The following ZNF804A variants were observed in gnomAD, a reference collection of about 807,000 sequenced individuals.
ZNF804A encodes the protein zinc finger protein 804A.
In ZNF804A, 2 loss-of-function variants were observed where a neutral mutation model predicts 16.5. The ratio of observed to expected loss-of-function variants is 0.12; its 90% confidence interval spans 0.05 to 0.38. ZNF804A has a LOEUF of 0.38. Ranked by LOEUF, ZNF804A falls within the 10% of genes least tolerant of loss-of-function variation. The pLI is 0.99. For synonymous variants in ZNF804A, 534 were observed against 489.6 expected (o/e 1.09, Z -1.20); for missense variants, 1,473 against 1,390.7 (o/e 1.06, Z -0.94).
chr2:184,655,384 C>G (rs1692060074), intron 1 of ZNF804A, among the ~76,000 whole-genome samples: 1 of 152,066 alleles, frequency 6.6e-6, no homozygotes, highest in Non-Finnish European at 1.5e-5. Flanking sequence ...TGGATATCCA[C>G]TAAAAAGGGA....
intron 1 of ZNF804A, among the ~76,000 whole-genome samples, chr2:184,858,624 GT>G (rs1157320548): frequency 1.3e-5 from 2 of 151,758 alleles, no homozygotes; most frequent in African/African-American, 4.8e-5. Flanking sequence ...TTAATAGTGT[GT>G]TTTTGTTAAC....
In ZNF804A at chr2:184,884,526, A is replaced by T. The variant is rs139008576; in HGVS notation, c.255+18014A>T. 8.0e-3 allele frequency among the ~76,000 whole-genome samples: 1,223 copies of T among 152,226 alleles called. 12 individuals are homozygous for T. Among genetic ancestry groups the T allele is most frequent in the Middle Eastern group, 0.061 (18 of 294 alleles). ...TACTTAAAAAAAAAATCAAAGCTGG[A>T]GACATCACATTACCCCTTTTTAAAC... On this transcript the variant is annotated intron_variant, in intron 2 of 3. Coordinates refer to ENST00000302277, the MANE Select transcript of ZNF804A (RefSeq NM_194250.2).
chr2:184,845,384 G>A lies in ZNF804A; in HGVS notation c.112-20985G>A, dbSNP rs187228248. On this transcript the variant is annotated intron_variant, in intron 1 of 3. Transcript: ENST00000302277. ...GTCTCTATCTCTCAGTGCTATGACT[G>A]TAATAATTGTTTCTTCTGTGATATA... is the stretch of plus-strand genomic sequence containing the variant. Among the ~76,000 whole-genome samples the A allele has an allele frequency of 2.7e-3, 410 of 152,184 alleles. 3 individuals are homozygous for A. Among genetic ancestry groups the A allele is most frequent in the African/African-American group, 9.3e-3 (388 of 41,564 alleles).
At chr2:184,784,946 C>T (rs967291262) in intron 1 of ZNF804A, among the ~76,000 whole-genome samples, 1 of 151,974 alleles carries the variant, frequency 6.6e-6, no homozygotes, top group Non-Finnish European at 1.5e-5. Context: ...AATCAGGTCG[C>T]TTGAGAGACA....
At chr2:184,842,879 G>A (rs1234115241) in intron 1 of ZNF804A, among the ~76,000 whole-genome samples, 5 of 152,112 alleles carry the variant, frequency 3.3e-5, no homozygotes, top group Admixed American at 6.6e-5. Context: ...TCTAGAAGAG[G>A]AGGATAATTC....
chr2:184,781,428 A>G (rs1455933944), intron 1 of ZNF804A, among the ~76,000 whole-genome samples: 3 of 151,852 alleles, frequency 2.0e-5, no homozygotes, highest in Admixed American at 6.6e-5. Flanking sequence ...CCACAAAATC[A>G]CAATCTTTAA....
intron 1 of ZNF804A, among the ~76,000 whole-genome samples, chr2:184,734,604 G>A (rs1015795309): frequency 6.6e-6 from 1 of 152,150 alleles, no homozygotes; most frequent in Non-Finnish European, 1.5e-5. Flanking sequence ...CTATCTTGGT[G>A]AATGTTCCAT....
In ZNF804A at chr2:184,936,700, C is replaced by A. The variant is rs1685794022; in HGVS notation, c.1304C>A (p.Thr435Lys). Residue 435 changes from threonine to lysine, a missense_variant, in exon 4 of 4, where the codon ACA becomes AAA. Transcript: ENST00000302277. ...FVPVLNKHRS[T>K]VLQWPSEMLV... ...CCTGTCCTTAACAAACACAGATCTA[C>A]AGTTCTTCAGTGGCCATCAGAAATG... is the stretch of plus-strand genomic sequence containing the variant. 6.2e-7 allele frequency: 1 copy of A among 1,613,534 alleles called. No homozygotes were observed. The highest frequency in any genetic ancestry group is 8.5e-7 in the Non-Finnish European group (1 of 1,179,838).
chr2:184,656,826 T>C (rs1692082486), intron 1 of ZNF804A, among the ~76,000 whole-genome samples: 1 of 152,130 alleles, frequency 6.6e-6, no homozygotes, highest in African/African-American at 2.4e-5. Flanking sequence ...TTGTGTACAG[T>C]TGTCCAGGTG....
At chr2:184,715,087 A>C (rs1693193287) in intron 1 of ZNF804A, among the ~76,000 whole-genome samples, 1 of 152,136 alleles carries the variant, frequency 6.6e-6, no homozygotes, top group Non-Finnish European at 1.5e-5. Context: ...CCTAAGGAAA[A>C]TCTTGGACAC....
intron 1 of ZNF804A, among the ~76,000 whole-genome samples, chr2:184,735,941 T>A (rs1447292457): frequency 6.6e-6 from 1 of 152,168 alleles, no homozygotes; most frequent in African/African-American, 2.4e-5. Flanking sequence ...GATACAACAT[T>A]GAGTAGATGA....
chr2:184,647,618 A>G (rs1167606794), intron 1 of ZNF804A, among the ~76,000 whole-genome samples: 1 of 152,176 alleles, frequency 6.6e-6, no homozygotes, highest in Non-Finnish European at 1.5e-5. Flanking sequence ...TTATCAACAG[A>G]TTGGATCAGG....
intron 2 of ZNF804A, among the ~76,000 whole-genome samples, chr2:184,882,144 A>T (rs191847660): frequency 2.0e-5 from 3 of 152,202 alleles, no homozygotes; most frequent in African/African-American, 7.2e-5. Context: ...TTCCTATTAT[A>T]ATTTCAGACA....
intron 1 of ZNF804A, 90 bp from the exon 2 acceptor site, chr2:184,866,279 C>G: frequency 2.5e-6 from 3 of 1,192,308 alleles, no homozygotes; most frequent in Non-Finnish European, 3.5e-6. Context: ...GTTTCTAACT[C>G]TAATTATTGT....
At chr2:184,826,856 A>G (rs1395013438) in intron 1 of ZNF804A, among the ~76,000 whole-genome samples, 1 of 152,098 alleles carries the variant, frequency 6.6e-6, no homozygotes, top group Non-Finnish European at 1.5e-5. Flanking sequence ...AAAAATGACA[A>G]ACGGCATGAC....
At chr2:184,718,832 GT>G (rs776197535) in intron 1 of ZNF804A, among the ~76,000 whole-genome samples, 2 of 152,128 alleles carry the variant, frequency 1.3e-5, no homozygotes, top group Non-Finnish European at 2.9e-5. Flanking sequence ...CAGTTGTGTG[GT>G]GCAAGCTGTT....
chr2:184,637,790 C>G (rs900007720), intron 1 of ZNF804A, among the ~76,000 whole-genome samples: 2 of 152,098 alleles, frequency 1.3e-5, no homozygotes, highest in East Asian at 1.9e-4. Context: ...TAATGTTTTT[C>G]TGGGCCACTG....
chr2:184,805,885 G>T (rs1473507067), intron 1 of ZNF804A, among the ~76,000 whole-genome samples: 1 of 151,922 alleles, frequency 6.6e-6, no homozygotes, highest in Non-Finnish European at 1.5e-5. Context: ...AAGAAATTAT[G>T]AATCTAACCA....
intron 1 of ZNF804A, among the ~76,000 whole-genome samples, chr2:184,648,697 C>T (rs1691926234): frequency 6.6e-6 from 1 of 151,964 alleles, no homozygotes; most frequent in Admixed American, 6.6e-5. Context: ...GTGAAGGGCA[C>T]AACTTATGAT....
Sources: allele counts gnomAD v4.1 joint callset (sites outside exome capture counted in the v4.1 genomes callset), GRCh38; gene constraint gnomAD v4.1.1; transcripts MANE v1.5; gene names NCBI Gene and HGNC (gene_info 2026-07-23, HGNC 2026-07-21).